ZNF66: variants seen among roughly 807,000 people sequenced by gnomAD.
ZNF66 encodes the protein zinc finger protein 66, also known as putative zinc finger protein 66.
Under a neutral mutation model 35.2 loss-of-function variants are expected in ZNF66, and 32 were observed. That is an observed-to-expected ratio of 0.91 (90% confidence interval 0.69 to 1.22). The LOEUF (loss-of-function observed/expected upper bound fraction) is 1.22. Ranked by LOEUF, ZNF66 falls within the 50% of genes most tolerant of loss-of-function variation. The pLI is 0.00. For missense variants in ZNF66, 666 were observed against 543.1 expected, an observed-to-expected ratio of 1.23 and a Z score of -2.25; for synonymous variants, 231 against 181.3, an observed-to-expected ratio of 1.27 and a Z score of -2.20.
chr19:20,803,647 C>G (rs914071769), intron 3 of ZNF66, among the ~76,000 whole-genome samples: 3 of 151,768 alleles, frequency 2.0e-5, no homozygotes, highest in African/African-American at 7.3e-5. Flanking sequence ...TTAAGAAATT[C>G]CATTTTTGTG....
At chr19:20,783,638 C>G (rs1016885731) in intron 1 of ZNF66, among the ~76,000 whole-genome samples, 8 of 152,110 alleles carry the variant, frequency 5.3e-5, no homozygotes, top group Admixed American at 6.6e-5. Context: ...ATGATAAAGA[C>G]TAAAAGATAC....
intron 1 of ZNF66, among the ~76,000 whole-genome samples, chr19:20,783,779 T>C (rs1971264405): frequency 6.6e-6 from 1 of 152,244 alleles, no homozygotes; most frequent in Admixed American, 6.5e-5. Context: ...TTGTACCTTG[T>C]TTTCTATTTA....
At chr19:20,791,478 T>C (rs1176776044) in intron 1 of ZNF66, among the ~76,000 whole-genome samples, 2 of 140,756 alleles carry the variant, frequency 1.4e-5, no homozygotes, top group African/African-American at 5.5e-5. Context: ...AGAGTGAGAC[T>C]TAATCTCAAA....
Position 20,806,842 on chromosome 19 carries a change from A to C in ZNF66, c.1242A>C (p.Lys414Asn). 7.4e-7 allele frequency: 1 copy of C among 1,349,964 alleles called. No individual in the cohort carries two copies. Among genetic ancestry groups the C allele is most frequent in the Non-Finnish European group, 1.1e-6 (1 of 941,794 alleles). The allele number at this position is 1,349,964 out of a possible 1,614,324, so 83.6% of individuals were successfully genotyped here. Reference protein sequence around the residue: ...KVFKHSSPLSKHKRIHTGEKP... With the variant: ...KVFKHSSPLSNHKRIHTGEKP... The stretch of plus-strand genomic sequence containing the variant: ...TTAAGCACTCCTCTCCCCTTTCTAA[A>C]CATAAGAGAATTCATACTGGAGAGA... The change falls in exon 4 of 4, where the codon AAA becomes AAC. Residue 414 changes from lysine (K) to asparagine (N), a missense_variant. Physicochemically the swap from Lys to Asn is moderately conservative, Grantham distance 94. Transcript: ENST00000344519.
chr19:20,780,714 G>C (rs1971237959), intron 1 of ZNF66, among the ~76,000 whole-genome samples: 1 of 150,232 alleles, frequency 6.7e-6, no homozygotes, highest in East Asian at 1.9e-4. Context: ...GCCTGGCCTG[G>C]AATAAAACTA....
intron 3 of ZNF66, among the ~76,000 whole-genome samples, chr19:20,797,319 G>A (rs1429365654): frequency 1.6e-5 from 2 of 126,786 alleles, no homozygotes; most frequent in Admixed American, 8.8e-5. Context: ...CCATTCTCCT[G>A]CCTCAGCCTC....
chr19:20,781,134 T>C (rs1971241798), intron 1 of ZNF66, among the ~76,000 whole-genome samples: 1 of 152,190 alleles, frequency 6.6e-6, no homozygotes, highest in Admixed American at 6.6e-5. Context: ...CTGCACACAG[T>C]AATAAATCAG....
chr19:20,798,307 A>G (rs1208772366), intron 3 of ZNF66, among the ~76,000 whole-genome samples: 1 of 152,054 alleles, frequency 6.6e-6, no homozygotes, highest in South Asian at 2.1e-4. Flanking sequence ...TGAAGTGTAC[A>G]TTTCAGGGCC....
intron 3 of ZNF66, among the ~76,000 whole-genome samples, chr19:20,800,409 G>A (rs998524151): frequency 3.3e-5 from 5 of 152,132 alleles, no homozygotes; most frequent in African/African-American, 1.2e-4. Context: ...AGTATTTTAT[G>A]TATCTATGAA....
intron 1 of ZNF66, among the ~76,000 whole-genome samples, chr19:20,789,743 AT>A (rs1213090502): frequency 6.6e-6 from 1 of 152,182 alleles, no homozygotes; most frequent in Non-Finnish European, 1.5e-5. Flanking sequence ...AATCCTGGAA[AT>A]TATTAAACCC....
chr19:20,807,069 T>A lies in ZNF66; in HGVS notation c.1469T>A (p.Phe490Tyr), dbSNP rs1007983664. The change falls in exon 4 of 4, where the codon TTT (phenylalanine) becomes TAT (tyrosine). Residue 490 changes from phenylalanine to tyrosine, a missense_variant. Coordinates refer to ENST00000344519, the MANE Select transcript of ZNF66 (RefSeq NM_001355197.2). ...PYKCEECGKA[F>Y]KCSSILTTHK... is the part of the protein sequence containing the mutation. ...AAATGTGAAGAATGTGGCAAGGCCTTTAAGTGCTCCTCTATTCTTACTACA... is the reference window on the plus strand; with the variant it reads ...AAATGTGAAGAATGTGGCAAGGCCTATAAGTGCTCCTCTATTCTTACTACA... 1 of 805,442 alleles carries A rather than the reference T, an allele frequency of 1.2e-6. No homozygotes were observed. The highest frequency in any genetic ancestry group is 1.8e-5 in the Admixed American group (1 of 55,894). 49.9% of individuals were successfully genotyped at this position (805,442 alleles called of 1,614,324 possible).
At position 20,806,697 on chromosome 19, in the gene ZNF66, A is replaced by G. The variant is rs2144921017; in HGVS notation, c.1097A>G (p.Glu366Gly). ...AAACATAAAATAATCCATACTGGAG[A>G]GAAACCCTACAAATGTGAAGAATGT... ...LTKHKIIHTG[E>G]KPYKCEECGE... The change falls in exon 4 of 4, where the codon GAG becomes GGG. Residue 366 changes from glutamate to glycine, a missense_variant. Glu to Gly is a moderately conservative substitution (Grantham distance 98). Transcript: ENST00000344519. 1 of 1,468,754 alleles carries G rather than the reference A, an allele frequency of 6.8e-7. No homozygotes were observed. Among genetic ancestry groups the G allele is most frequent in the Non-Finnish European group, 9.5e-7 (1 of 1,050,090 alleles). The allele number at this position is 1,468,754 out of a possible 1,614,324, so 91.0% of individuals were successfully genotyped here.
In ZNF66 at chr19:20,806,102, A is replaced by T; in HGVS notation, c.502A>T (p.Thr168Ser). 1.1e-6 allele frequency: 1 copy of T among 922,964 alleles called. No homozygotes were observed. Among genetic ancestry groups the T allele is most frequent in the Non-Finnish European group, 1.8e-6 (1 of 559,964 alleles). The allele number at this position is 922,964 out of a possible 1,614,324, so 57.2% of individuals were successfully genotyped here. ...SNTNRHKIRH[T>S]GKNPCKFTEC... ...TACAAACAGACATAAGATAAGACAT[A>T]CTGGAAAAAACCCTTGCAAATTTAC... The change falls in exon 4 of 4, where the codon ACT becomes TCT. Residue 168 changes from threonine (T) to serine (S), a missense_variant. Coordinates refer to ENST00000344519, the MANE Select transcript of ZNF66 (RefSeq NM_001355197.2).
intron 1 of ZNF66, among the ~76,000 whole-genome samples, 200 bp downstream of exon 1, chr19:20,776,650 C>T (rs946280371): frequency 1.3e-5 from 2 of 152,160 alleles, no homozygotes; most frequent in African/African-American, 4.8e-5. Context: ...GTGACTGTGC[C>T]CCTGGCCTGG....
intron 3 of ZNF66, among the ~76,000 whole-genome samples, chr19:20,799,841 AG>A (rs1971432055): frequency 6.6e-6 from 1 of 152,160 alleles, no homozygotes; most frequent in Non-Finnish European, 1.5e-5. Context: ...TTTTAACTGT[AG>A]GTTGTATTGA....
Position 20,806,026 on chromosome 19 carries a change from C to A in ZNF66, c.426C>A (p.Ser142Arg). 2 of 826,572 alleles carry A rather than the reference C, an allele frequency of 2.4e-6. No homozygotes were observed. Among genetic ancestry groups the A allele is most frequent in the East Asian group, 4.8e-5 (2 of 41,444 alleles). The allele number at this position is 826,572 out of a possible 1,614,324, so 51.2% of individuals were successfully genotyped here. The change falls in exon 4 of 4, where the codon AGC becomes AGA. Residue 142 changes from serine to arginine, a missense_variant. Physicochemically the swap from Ser to Arg is moderately radical, Grantham distance 110. Coordinates refer to ENST00000344519, the MANE Select transcript of ZNF66 (RefSeq NM_001355197.2). ...GLNQCLTTTQ[S>R]KMFQCDKHGK... ...ACCAATGTTTGACAACTACCCAAAG[C>A]AAAATGTTTCAATGTGATAAACATG...
chr19:20,788,190 T>C (rs1422999085), intron 1 of ZNF66, among the ~76,000 whole-genome samples: 1 of 152,122 alleles, frequency 6.6e-6, no homozygotes, highest in East Asian at 1.9e-4. Flanking sequence ...GATAAACTAG[T>C]TGCTTCAATT....
chr19:20,803,561 A>G (rs1376598442), intron 3 of ZNF66, among the ~76,000 whole-genome samples: 5 of 152,106 alleles, frequency 3.3e-5, no homozygotes, highest in Non-Finnish European at 5.9e-5. Context: ...TAACATGTTT[A>G]TAATAATTTC....
rs189269002 is a variant in ZNF66 at position 20,806,013 on chromosome 19, C to A, written c.413C>A (p.Thr138Lys). The stretch of plus-strand genomic sequence containing the variant: ...TATAATGGACTTAACCAATGTTTGA[C>A]AACTACCCAAAGCAAAATGTTTCAA... ...RGYNGLNQCL[T>K]TTQSKMFQCD... The change falls in exon 4 of 4, where the codon ACA (threonine) becomes AAA (lysine). Residue 138 changes from threonine (T) to lysine (K), a missense_variant. Thr to Lys is a moderately conservative substitution (Grantham distance 78). Transcript: ENST00000344519. 9.2e-5 allele frequency: 75 copies of A among 811,154 alleles called. No individual in the cohort carries two copies. The highest frequency in any genetic ancestry group is 1.6e-4 in the Non-Finnish European group (73 of 468,024). The allele number at this position is 811,154 out of a possible 1,614,324, so 50.2% of individuals were successfully genotyped here. A position where few individuals can be genotyped will look rare whatever the true frequency, so the allele number is the denominator to read the frequency against.
Sources: allele counts gnomAD v4.1 joint callset (sites outside exome capture counted in the v4.1 genomes callset), GRCh38; gene constraint gnomAD v4.1.1; transcripts MANE v1.5; gene names NCBI Gene and HGNC (gene_info 2026-07-23, HGNC 2026-07-21).